The following DMD variants were observed in gnomAD, a reference collection of about 807,000 sequenced individuals.
DMD encodes dystrophin.
Under a neutral mutation model 330.1 loss-of-function variants are expected in DMD, and 63 were observed. That is an observed-to-expected ratio of 0.19 (90% CI 0.16 to 0.24). DMD has a LOEUF of 0.24. Among genes scored for constraint, DMD ranks in the 10% least tolerant of loss-of-function variants. The probability of loss-of-function intolerance (pLI) is 1.00; values close to 1 mark genes in which losing one functional copy is unlikely to be tolerated. For synonymous variants in DMD, 1,223 were observed against 959.8 expected (o/e 1.27, Z -5.07); for missense variants, 3,344 against 2,684.1 (o/e 1.25, Z -5.43).
chrX:33,117,078 A>ATATT (rs1557267528), intron 1 of DMD, among the ~76,000 whole-genome samples: 1 of 109,914 alleles, frequency 9.1e-6, no homozygotes, highest in African/African-American at 3.3e-5. Context: ...ATATATATAT[A>ATATT]TTTTTTAACA....
In DMD at chrX:32,819,848, TAAA is replaced by T. The variant is rs35344665; in HGVS notation, c.358-3211_358-3209del. 5.6e-3 allele frequency among the ~76,000 whole-genome samples: 454 copies of T among 80,950 alleles called. 2 individuals carry two copies. Among genetic ancestry groups the T allele is most frequent in the African/African-American group, 0.018 (426 of 23,399 alleles). The allele number at this position is 80,950 out of a possible 115,157, so 70.3% of individuals were successfully genotyped here. A position where few individuals can be genotyped will look rare whatever the true frequency, so the allele number is the denominator to read the frequency against. ...AGGAAGAAAATATGTAATGTTGGTGTAAAAAAAAAAAAAAAAAAGAAAAACACA... is the reference window on the plus strand; with the variant it reads ...AGGAAGAAAATATGTAATGTTGGTGTAAAAAAAAAAAAAAAGAAAAACACA... On this transcript the variant is annotated intron_variant, in intron 5 of 78. Transcript: ENST00000357033.
At chrX:32,654,772 A>G in intron 9 of DMD, among the ~76,000 whole-genome samples, 1 of 111,138 alleles carries the variant, frequency 9.0e-6, no homozygotes, top group East Asian at 2.9e-4. Context: ...CTGTGAATCC[A>G]TCTGGTCCTG....
chrX:32,682,125 T>G (rs1208234483), intron 9 of DMD, among the ~76,000 whole-genome samples: 1 of 111,686 alleles, frequency 9.0e-6, no homozygotes, highest in Non-Finnish European at 1.9e-5. Flanking sequence ...GTGAAATTAT[T>G]TCAGGATTTA....
At chrX:32,560,693 G>T (rs1427772565) in intron 16 of DMD, among the ~76,000 whole-genome samples, 1 of 111,484 alleles carries the variant, frequency 9.0e-6, no homozygotes, top group African/African-American at 3.3e-5. Context: ...TGCAGTGTTT[G>T]GTTTTCTGTT....
intron 76 of DMD, among the ~76,000 whole-genome samples, chrX:31,144,850 T>C (rs1283655060): frequency 9.0e-6 from 1 of 111,588 alleles, no homozygotes; most frequent in Non-Finnish European, 1.9e-5. Flanking sequence ...AACCCTCTAT[T>C]GTCTAGCCAG....
intron 45 of DMD, among the ~76,000 whole-genome samples, chrX:31,952,477 G>T (rs2095196207): frequency 9.8e-6 from 1 of 102,126 alleles, no homozygotes. Context: ...CTTACTATCT[G>T]CTCTTGAGCC....
At chrX:33,250,305 T>C (rs1261499727) in intron 1 of DMD, among the ~76,000 whole-genome samples, 1 of 108,485 alleles carries the variant, frequency 9.2e-6, no homozygotes, top group East Asian at 2.9e-4. Context: ...TCATTAGGCA[T>C]TAGATTCATA....
rs763829484 is a variant in DMD, at chrX:32,411,894, A to G, written c.4091T>C (p.Leu1364Ser). 18 of 1,211,145 alleles carry G rather than the reference A, an allele frequency of 1.5e-5. No individual in the cohort carries two copies. The Admixed American group carries it at 3.9e-4, about 26-fold the overall frequency. The change falls in exon 30 of 79, where the codon TTG becomes TCG. Residue 1364 changes from leucine to serine, a missense_variant. Leu to Ser is a moderately radical substitution (Grantham distance 145). Coordinates refer to ENST00000357033, the MANE Select transcript of DMD (RefSeq NM_004006.3). ...GGCAGACTGGATGCTCTGTTCAAGC[A>G]ACTTTTGCCTCCTTACAGCCTAAAA... ...LHEEAVRRQK[L>S]LEQSIQSAQE... is the part of the protein sequence containing the mutation.
At chrX:32,636,822 C>T (rs887045910) in intron 11 of DMD, among the ~76,000 whole-genome samples, 1 of 109,298 alleles carries the variant, frequency 9.1e-6, no homozygotes, top group African/African-American at 3.3e-5. Flanking sequence ...CATGGTGAAA[C>T]CCCGTCTCTA....
intron 2 of DMD, among the ~76,000 whole-genome samples, chrX:32,865,526 GC>G: frequency 8.9e-6 from 1 of 111,757 alleles, no homozygotes; most frequent in Non-Finnish European, 1.9e-5. Flanking sequence ...GGAACTATAA[GC>G]CACTTCTTGG....
intron 37 of DMD, among the ~76,000 whole-genome samples, chrX:32,350,581 G>A (rs932302880): frequency 4.5e-5 from 5 of 111,244 alleles, no homozygotes; most frequent in Admixed American, 1.9e-4. Context: ...AGACTCCATC[G>A]TTCCTGGTCC....
chrX:32,946,594 T>C (rs1267385280), intron 2 of DMD, among the ~76,000 whole-genome samples: 2 of 112,391 alleles, frequency 1.8e-5, no homozygotes, highest in Non-Finnish European at 3.8e-5. Context: ...CTGGTTTTGT[T>C]ACATTACATT....
chrX:32,072,168 T>C (rs967076909), intron 44 of DMD, among the ~76,000 whole-genome samples: 1 of 111,532 alleles, frequency 9.0e-6, no homozygotes, highest in African/African-American at 3.3e-5. Context: ...TAAAGAACTC[T>C]GTATCTTGAG....
intron 29 of DMD, among the ~76,000 whole-genome samples, chrX:32,434,810 G>A (rs1196095915): frequency 8.9e-6 from 1 of 111,763 alleles, no homozygotes; most frequent in Non-Finnish European, 1.9e-5. Context: ...ATTTAACATT[G>A]TATCTTTCAG....
At chrX:31,206,550 A>G in intron 66 of DMD, 32 bp downstream of exon 66, 1 of 1,131,125 alleles carries the variant, frequency 8.8e-7, no homozygotes, top group Non-Finnish European at 1.2e-6. Flanking sequence ...CAACATTAAT[A>G]AAAGAATACA....
intron 42 of DMD, among the ~76,000 whole-genome samples, chrX:32,309,285 G>A (rs2097551998): frequency 9.0e-6 from 1 of 111,473 alleles, no homozygotes; most frequent in African/African-American, 3.3e-5. Flanking sequence ...ATGTGCTGCT[G>A]ATAGCAAACC....
chrX:33,028,775 CTGTATG>C (rs1386982675), intron 1 of DMD, among the ~76,000 whole-genome samples: 7 of 109,062 alleles, frequency 6.4e-5, no homozygotes, highest in Non-Finnish European at 9.5e-5. Flanking sequence ...AATACTTTAA[CTGTATG>C]TGTATGGACA....
Position 32,464,606 on chromosome X carries a change from T to C in DMD, c.3256A>G (p.Lys1086Glu), listed in dbSNP as rs745585519. ...CTTACTCTGCACTGTTTCAGCTGCT[T>C]TTTTAGAATTTCTGAATCCCCAAGG... ...PALGDSEILK[K>E]QLKQCRLLVS... is the part of the protein sequence containing the mutation. The change falls in exon 24 of 79, where the codon AAG (lysine) becomes GAG (glutamate). Residue 1086 changes from lysine (K) to glutamate (E), a missense_variant. Transcript: ENST00000357033. The C allele has an allele frequency of 8.3e-7, 1 of 1,205,271 alleles. No individual in the cohort carries two copies. The highest frequency in any genetic ancestry group is 3.0e-5 in the East Asian group (1 of 33,713).
intron 4 of DMD, among the ~76,000 whole-genome samples, chrX:32,842,921 C>G (rs1362710760): frequency 1.8e-5 from 2 of 111,381 alleles, no homozygotes; most frequent in African/African-American, 6.5e-5. Flanking sequence ...ATTCTCCTAC[C>G]TCAGCCTCCC....
Sources: allele counts gnomAD v4.1 joint callset (sites outside exome capture counted in the v4.1 genomes callset), GRCh38; gene constraint gnomAD v4.1.1; transcripts MANE v1.5; gene names NCBI Gene and HGNC (gene_info 2026-07-23, HGNC 2026-07-21).